CMC1: variants seen among roughly 807,000 people sequenced by gnomAD.
The protein encoded by CMC1 is COX assembly mitochondrial protein homolog.
Under a neutral mutation model 14.1 loss-of-function variants are expected in CMC1, and 14 were observed. The observed-to-expected ratio is 0.99, with a 90% CI of 0.66 to 1.55. The LOEUF (loss-of-function observed/expected upper bound fraction) is 1.55, where lower values mean the gene tolerates loss of function less well. CMC1 is among the 40% of genes most tolerant of loss of function. The pLI, the probability that CMC1 is intolerant of heterozygous loss-of-function variation, is 0.00. For synonymous variants in CMC1, 50 were observed against 38.4 expected (o/e 1.30, Z -1.12); for missense variants, 127 against 123.8 (o/e 1.03, Z -0.12).
At chr3:28,274,689 GAT>G (rs1700485404) in intron 2 of CMC1, among the ~76,000 whole-genome samples, 1 of 152,020 alleles carries the variant, frequency 6.6e-6, no homozygotes, top group South Asian at 2.1e-4. Flanking sequence ...TCTCCTGGAT[GAT>G]ATCCTGAAGT....
At chr3:28,258,614 A>ATTTTTTTT (rs61323375) in intron 1 of CMC1, among the ~76,000 whole-genome samples, 4 of 99,132 alleles carry the variant, frequency 4.0e-5, no homozygotes, top group African/African-American at 8.7e-5. Context: ...GTATTTCTGG[A>ATTTTTTTT]TTTTTTTTTT....
chr3:28,254,766 GA>G (rs547940484), intron 1 of CMC1, among the ~76,000 whole-genome samples: 15 of 152,068 alleles, frequency 9.9e-5, no homozygotes, highest in East Asian at 3.9e-4. Flanking sequence ...TTATATATGT[GA>G]AAAAAAGTAA....
intron 1 of CMC1, among the ~76,000 whole-genome samples, chr3:28,242,541 A>G (rs1385256115): frequency 6.6e-6 from 1 of 152,242 alleles, no homozygotes; most frequent in African/African-American, 2.4e-5. Flanking sequence ...TGGGAGATTC[A>G]GAAATGGAAA....
At chr3:28,254,999 C>A (rs1248647997) in intron 1 of CMC1, among the ~76,000 whole-genome samples, 1 of 152,110 alleles carries the variant, frequency 6.6e-6, no homozygotes, top group Non-Finnish European at 1.5e-5. Context: ...TCACACAGTC[C>A]CTTCAAATTC....
chr3:28,255,377 A>T (rs144540019), intron 1 of CMC1, among the ~76,000 whole-genome samples: 2 of 151,254 alleles, frequency 1.3e-5, no homozygotes, highest in Non-Finnish European at 2.9e-5. Flanking sequence ...AGAAGCTGGG[A>T]CTATAGATGC....
intron 1 of CMC1, 78 bp downstream of exon 1, chr3:28,241,890 G>C (rs1256904294): frequency 8.2e-7 from 1 of 1,214,906 alleles, no homozygotes; most frequent in African/African-American, 1.6e-5. Flanking sequence ...GCTGGATGCC[G>C]ACCTGGGAAA....
At position 28,308,606 on chromosome 3, in the gene CMC1, G is replaced by A. The variant is rs147936301; in HGVS notation, c.110-7727G>A. Among the ~76,000 whole-genome samples, 1,156 of 152,208 alleles carry A rather than the reference G, an allele frequency of 7.6e-3. 15 individuals are homozygous for A. Among genetic ancestry groups the A allele is most frequent in the African/African-American group, 0.026 (1,068 of 41,526 alleles). On this transcript the variant is annotated intron_variant, in intron 2 of 3. Transcript: ENST00000466830. ...ATGAATTTTATTGTATTAAAAATAT[G>A]TCCATTTTCTTTAGATTTTTGGAGG...
intron 1 of CMC1, among the ~76,000 whole-genome samples, chr3:28,252,328 T>C (rs1699171130): frequency 6.6e-6 from 1 of 152,178 alleles, no homozygotes; most frequent in African/African-American, 2.4e-5. Flanking sequence ...TGGGTGTTAC[T>C]TGACCCAGAA....
chr3:28,319,159 C>G (rs1703081828), intron 3 of CMC1: 2 of 440,652 alleles, frequency 4.5e-6, no homozygotes, highest in South Asian at 3.2e-5. Flanking sequence ...AAACCTCTGC[C>G]CTCCCCATTT....
chr3:28,241,640 C>A lies in CMC1; in HGVS notation c.-154C>A, dbSNP rs899372121. 5.7e-6 allele frequency: 7 copies of A among 1,231,944 alleles called. No homozygotes were observed. In the East Asian group the frequency reaches 2.2e-4, roughly 39 times the overall value. The allele number at this position is 1,231,944 out of a possible 1,614,324, so 76.3% of individuals were successfully genotyped here. On this transcript the variant is annotated 5_prime_UTR_variant, in exon 1 of 4. Coordinates refer to ENST00000466830, the MANE Select transcript of CMC1 (RefSeq NM_182523.2). ...TAGGAGCCTGGGAAGGAAGAGGGAA[C>A]GGGTCCTGGCGGTGCTTTGCAAAGG...
intron 2 of CMC1, among the ~76,000 whole-genome samples, chr3:28,266,195 T>G (rs568815798): frequency 6.6e-5 from 10 of 152,228 alleles, no homozygotes; most frequent in Non-Finnish European, 1.3e-4. Context: ...ATATTTCACC[T>G]AATGTTTAAA....
chr3:28,300,117 T>G, intron 2 of CMC1, among the ~76,000 whole-genome samples: 1 of 152,166 alleles, frequency 6.6e-6, no homozygotes, highest in East Asian at 1.9e-4. Context: ...AACTGAAAAT[T>G]TGGACTTATT....
At chr3:28,276,133 A>G (rs1700580032) in intron 2 of CMC1, among the ~76,000 whole-genome samples, 2 of 152,030 alleles carry the variant, frequency 1.3e-5, no homozygotes, top group African/African-American at 4.8e-5. Context: ...AGTCCCAGTG[A>G]GAAAACCTAG....
chr3:28,294,449 G>A (rs1458021514), intron 2 of CMC1: 3 of 970,970 alleles, frequency 3.1e-6, no homozygotes, highest in Non-Finnish European at 3.7e-6. Flanking sequence ...GTAAATTTTT[G>A]TGAAACATTG....
intron 2 of CMC1, among the ~76,000 whole-genome samples, chr3:28,273,876 G>A (rs1422061393): frequency 6.6e-6 from 1 of 151,844 alleles, no homozygotes; most frequent in Admixed American, 6.6e-5. Flanking sequence ...GATCTTTTTG[G>A]TTTAAAGTCT....
Position 28,323,112 on chromosome 3 carries a change from A to AAAT in CMC1, c.*3485_*3487dup, listed in dbSNP as rs536792424. The AAAT allele has an allele frequency of 9.3e-4, 141 of 151,308 alleles. 1 individual carries two copies. The highest frequency in any genetic ancestry group is 3.2e-3 in the African/African-American group (134 of 41,440). 9.4% of individuals were successfully genotyped at this position (151,308 alleles called of 1,614,324 possible). The stretch of plus-strand genomic sequence containing the variant: ...AATAATTTTAAATCACTTTCTCAAT[A>AAAT]AATAGAATATTACATTTCAACACAA... On this transcript the variant is annotated 3_prime_UTR_variant, in exon 4 of 4. Transcript: ENST00000466830.
chr3:28,271,522 T>G (rs141791806), intron 2 of CMC1, among the ~76,000 whole-genome samples: 110 of 152,284 alleles, frequency 7.2e-4, no homozygotes, highest in African/African-American at 2.4e-3. Flanking sequence ...AGATGTGCAG[T>G]CTTATTTCTG....
At chr3:28,310,928 AG>A (rs113433927) in intron 2 of CMC1, among the ~76,000 whole-genome samples, 2,218 of 152,264 alleles carry the variant, frequency 0.015, 53 homozygotes, top group African/African-American at 0.049. Context: ...TGCTCCTATG[AG>A]AATCTAATGC....
At chr3:28,244,849 C>A (rs1378907510) in intron 1 of CMC1, among the ~76,000 whole-genome samples, 12 of 149,192 alleles carry the variant, frequency 8.0e-5, no homozygotes, top group African/African-American at 2.7e-4. Context: ...GGAATGGAAG[C>A]AATGGAGAGT....
Sources: gnomAD v4.1 joint callset for allele counts (sites outside exome capture counted in the v4.1 genomes callset) on GRCh38, gnomAD v4.1.1 for gene constraint, MANE v1.5 for transcripts, NCBI Gene and HGNC (gene_info 2026-07-23, HGNC 2026-07-21) for gene names.